DNAH1: variants seen among roughly 807,000 people sequenced by gnomAD.
DNAH1 encodes the protein dynein axonemal heavy chain 1, also known as axonemal beta dynein heavy chain 1.
In DNAH1, 327 loss-of-function variants were observed where a neutral mutation model predicts 484.3. That is an observed-to-expected ratio of 0.68 (90% CI 0.62 to 0.74). The LOEUF is 0.74. Among genes scored for constraint, DNAH1 ranks in the 30% least tolerant of loss-of-function variants. DNAH1 has a pLI of 0.00. For synonymous variants in DNAH1, 2,192 were observed against 2,191.9 expected (o/e 1.00, Z 0.00); for missense variants, 5,052 against 5,546.8 (o/e 0.91, Z 2.83).
At chr3:52,360,173 T>C in intron 27 of DNAH1, 94 bp downstream of exon 27, 2 of 1,570,436 alleles carry the variant, frequency 1.3e-6, no homozygotes, top group Non-Finnish European at 1.7e-6. Flanking sequence ...CTGGTCTCTG[T>C]CCTTGAGGTT....
In DNAH1 at chr3:52,383,544, T is replaced by A. The variant is rs1225260699; in HGVS notation, c.8100T>A (p.Ala2700=). 6.2e-7 allele frequency: 1 copy of A among 1,612,078 alleles called. No individual in the cohort carries two copies. Among genetic ancestry groups the A allele is most frequent in the South Asian group, 1.1e-5 (1 of 90,666 alleles). The change falls in exon 51 of 78, where the codon GCT becomes GCA. Residue 2700 remains alanine (A), a synonymous_variant. Coordinates refer to ENST00000420323, the MANE Select transcript of DNAH1 (RefSeq NM_015512.5). ...GLQPTKANLM[A]AYTGRVRSNI... ...AGCCCACCAAGGCCAACCTCATGGC[T>A]GCTTACACAGGGCGTGTGCGCAGCA...
In DNAH1 at chr3:52,389,540, C is replaced by A. The variant is rs538855437; in HGVS notation, c.9575C>A (p.Thr3192Lys). 2.6e-6 allele frequency: 4 copies of A among 1,554,498 alleles called. No homozygotes were observed. The highest frequency in any genetic ancestry group is 2.5e-5 in the South Asian group (2 of 81,340). ...SHNVPHTSEP[T>K]LIGTLGNPVK... ...AATGTCCCACACACCTCCGAGCCCACGCTAATCGGGACGCTGGGGAACCCT... is the reference window on the plus strand; with the variant it reads ...AATGTCCCACACACCTCCGAGCCCAAGCTAATCGGGACGCTGGGGAACCCT... The change falls in exon 60 of 78, where the codon ACG (threonine) becomes AAG (lysine). Residue 3192 changes from threonine to lysine, a missense_variant. Around this residue, in one of 4 missense-constraint regions of DNAH1, gnomAD observed 2,929 missense variants for 3,409.4 expected, o/e 0.86. Transcript: ENST00000420323.
chr3:52,372,216 C>T lies in DNAH1; in HGVS notation c.6667-11C>T, dbSNP rs375072983. On this transcript the variant is annotated splice_polypyrimidine_tract_variant and intron_variant, in intron 42 of 77. Coordinates refer to ENST00000420323, the MANE Select transcript of DNAH1 (RefSeq NM_015512.5). ...CCACCGCATGCTCCTGTGCCATCCC[C>T]GCTCTGCCAGGTGCTGTGCATTGGG... is the stretch of plus-strand genomic sequence containing the variant. 4.6e-5 allele frequency: 75 copies of T among 1,613,594 alleles called. No individual in the cohort carries two copies. The highest frequency in any genetic ancestry group is 5.3e-5 in the African/African-American group (4 of 75,044).
chr3:52,398,067 G>A lies in DNAH1; in HGVS notation c.11994G>A (p.Lys3998=). The A allele has an allele frequency of 6.2e-7, 1 of 1,613,908 alleles. No homozygotes were observed. The highest frequency in any genetic ancestry group is 8.5e-7 in the Non-Finnish European group (1 of 1,179,874). Residue 3998 remains lysine, a synonymous_variant, in exon 75 of 78, where the codon AAG becomes AAA. Transcript: ENST00000420323. ...ACGTCACCCAAAACATTCTGCTCAA[G>A]GTGCCTGAGCCTATCAACTTGCAAT... The part of the protein sequence containing the change: ...VEDVTQNILL[K]VPEPINLQWV...
In DNAH1 at chr3:52,331,262, G is replaced by T. The variant is rs199763713; in HGVS notation, c.986G>T (p.Arg329Leu). 7.4e-5 allele frequency: 119 copies of T among 1,611,028 alleles called. No homozygotes were observed. The East Asian group carries it at 2.6e-3, about 35-fold the overall frequency. ...AAGACAGACGAGAAAGGCCTGGTGC[G>T]AGATGAGATGGGGAGGCCCATCCTG... Reference protein sequence around the residue: ...VHKTDEKGLVRDEMGRPILNA... With the variant: ...VHKTDEKGLVLDEMGRPILNA... Residue 329 changes from arginine (R) to leucine (L), a missense_variant, in exon 7 of 78, where the codon CGA (arginine) becomes CTA (leucine). Physicochemically the swap from Arg to Leu is moderately radical, Grantham distance 102 (BLOSUM62 -2). Coordinates refer to ENST00000420323, the MANE Select transcript of DNAH1 (RefSeq NM_015512.5).
At chr3:52,392,153 C>A (rs989751258) in intron 63 of DNAH1, among the ~76,000 whole-genome samples, 1 of 152,244 alleles carries the variant, frequency 6.6e-6, no homozygotes, top group African/African-American at 2.4e-5. Flanking sequence ...AAGGCCTGCC[C>A]TGGGTATCAC....
rs192952178 is a variant in DNAH1, at chr3:52,388,212, G to A, written c.9049G>A (p.Asp3017Asn). 8 of 1,609,386 alleles carry A rather than the reference G, an allele frequency of 5.0e-6. No homozygotes were observed. Among genetic ancestry groups the A allele is most frequent in the Admixed American group, 1.7e-5 (1 of 59,402 alleles). Residue 3017 changes from aspartate to asparagine, a missense_variant, in exon 57 of 78, where the codon GAT becomes AAT. Transcript: ENST00000420323. ...GATCAAAGCCATCCAGCCGTACATC[G>A]ATAATGAAGAGTTCCAGCCAGCCAC... Reference protein sequence around the residue: ...VVIKAIQPYIDNEEFQPATIA... With the variant: ...VVIKAIQPYINNEEFQPATIA...
chr3:52,372,330 C>A lies in DNAH1; in HGVS notation c.6770C>A (p.Ser2257Ter), dbSNP rs781288961. The stretch of plus-strand genomic sequence containing the variant: ...TACATCAGCCACTTCCTCACCTTCT[C>A]AGCCCGCACTTCAGCCAACCAGACC... ...LDYISHFLTF[S>*]ARTSANQTQD... Residue 2257 changes from serine (S) to a stop codon, truncating the protein, a stop_gained, in exon 43 of 78, where the codon TCA becomes TAA. Transcript: ENST00000420323. LOFTEE classifies it high-confidence loss of function. The A allele has an allele frequency of 1.9e-6, 3 of 1,614,026 alleles. No individual in the cohort carries two copies. In the Admixed American group the frequency reaches 5.0e-5, roughly 27 times the overall value.
intron 10 of DNAH1, among the ~76,000 whole-genome samples, chr3:52,346,048 G>A (rs1488955263): frequency 1.3e-5 from 2 of 152,166 alleles, no homozygotes; most frequent in Non-Finnish European, 2.9e-5. Context: ...TGTGGATTGG[G>A]GTATGAGGGA....
rs750536856 is a variant in DNAH1, at chr3:52,397,869, C to T, written c.11950C>T (p.Arg3984Trp). 14 of 1,602,140 alleles carry T rather than the reference C, an allele frequency of 8.7e-6. No individual in the cohort carries two copies. The highest frequency in any genetic ancestry group is 1.2e-5 in the Non-Finnish European group (14 of 1,173,506). The change falls in exon 74 of 78, where the codon CGG (arginine) becomes TGG (tryptophan). Residue 3984 changes from arginine (R) to tryptophan (W), a missense_variant. By Grantham distance (101) the Arg-to-Trp change is moderately radical (BLOSUM62 -3). Transcript: ENST00000420323. The stretch of plus-strand genomic sequence containing the variant: ...ATCATCTTCTGCAGGCAGCCAGGGC[C>T]GGGAGGAGGTGGGTGGTGTCAGAGT... ...PKSSSAGSQGREEIVEDVTQN... is the reference protein window; with the variant it reads ...PKSSSAGSQGWEEIVEDVTQN...
Position 52,358,494 on chromosome 3 carries a change from T to C in DNAH1, c.4087-64T>C. ...CACCGGGCAGGCTTAGCGCTGGGGC[T>C]GTGGTGGCCAGGGCATCTGGGCACA... On this transcript the variant is annotated intron_variant, in intron 24 of 77. Transcript: ENST00000420323. This position sits in a 1 kb window ranked among gnomAD's most constrained non-coding sequence, Gnocchi z 4.2. 6.6e-7 allele frequency: 1 copy of C among 1,510,760 alleles called. No homozygotes were observed. The allele number at this position is 1,510,760 out of a possible 1,614,324, so 93.6% of individuals were successfully genotyped here. A position where few individuals can be genotyped will look rare whatever the true frequency, so the allele number is the denominator to read the frequency against.
chr3:52,339,448 A>G (rs1056933612), intron 8 of DNAH1, among the ~76,000 whole-genome samples: 1 of 151,598 alleles, frequency 6.6e-6, no homozygotes, highest in African/African-American at 2.4e-5. Context: ...TTGTCCATTT[A>G]TATGTTTTAT....
rs1333952421 is a variant in DNAH1, at chr3:52,362,534, C to T, written c.5094+33C>T. On this transcript the variant is annotated intron_variant, in intron 31 of 77. Coordinates refer to ENST00000420323, the MANE Select transcript of DNAH1 (RefSeq NM_015512.5). The surrounding 1 kb of genome is among the most constrained non-coding windows in gnomAD (Gnocchi z 5.1). ...CAGGCCCAGAGTGGCCCAGGAAGCACCAGAGCTCTAGCCTGAGTTCAGAGA... is the reference window on the plus strand; with the variant it reads ...CAGGCCCAGAGTGGCCCAGGAAGCATCAGAGCTCTAGCCTGAGTTCAGAGA... The T allele has an allele frequency of 6.3e-7, 1 of 1,582,354 alleles. No individual in the cohort carries two copies. Among genetic ancestry groups the T allele is most frequent in the East Asian group, 2.3e-5 (1 of 44,270 alleles).
chr3:52,332,707 G>A (rs1161806879), intron 8 of DNAH1, among the ~76,000 whole-genome samples: 1 of 152,070 alleles, frequency 6.6e-6, no homozygotes, highest in South Asian at 2.1e-4. Context: ...TTCCTGTGTC[G>A]CCTTACCATG....
chr3:52,395,368 C>G lies in DNAH1; in HGVS notation c.11029C>G (p.Leu3677Val). Residue 3677 changes from leucine to valine, a missense_variant, in exon 69 of 78, where the codon CTG (leucine) becomes GTG (valine). Leu to Val is a conservative substitution (Grantham distance 32). Around this residue, in one of 4 missense-constraint regions of DNAH1, gnomAD observed 853 missense variants for 899.0 expected, o/e 0.95. Coordinates refer to ENST00000420323, the MANE Select transcript of DNAH1 (RefSeq NM_015512.5). The surrounding 1 kb of genome is among the most constrained non-coding windows in gnomAD (Gnocchi z 4.4). Reference sequence around the variant, plus strand: ...CTCCACCACACCCCTCATCTTTGTGCTGTCACCCGGCACAGACCCTGCTGC... The same window carrying G: ...CTCCACCACACCCCTCATCTTTGTGGTGTCACCCGGCACAGACCCTGCTGC... ...SNSTTPLIFV[L>V]SPGTDPAADL... 1 of 1,613,870 alleles carries G rather than the reference C, an allele frequency of 6.2e-7. No homozygotes were observed. Among genetic ancestry groups the G allele is most frequent in the Non-Finnish European group, 8.5e-7 (1 of 1,179,872 alleles).
chr3:52,364,097 A>G lies in DNAH1; in HGVS notation c.5245-541A>G, dbSNP rs989402687. ...AGATTTCTGGAACATATGCTAGTCT[A>G]TGGGTTGGGTCTAGATGGAGTCCTC... On this transcript the variant is annotated intron_variant, in intron 32 of 77. Coordinates refer to ENST00000420323, the MANE Select transcript of DNAH1 (RefSeq NM_015512.5). This position sits in a 1 kb window ranked among gnomAD's most constrained non-coding sequence, Gnocchi z 4.2. 6.6e-6 allele frequency among the ~76,000 whole-genome samples: 1 copy of G among 152,200 alleles called. No individual in the cohort carries two copies. Among genetic ancestry groups the G allele is most frequent in the African/African-American group, 2.4e-5 (1 of 41,454 alleles).
chr3:52,374,725 T>G, intron 44 of DNAH1: 2 of 1,301,626 alleles, frequency 1.5e-6, no homozygotes, highest in Middle Eastern at 4.3e-4. Context: ...ATACATGGCT[T>G]GATATACAAC....
chr3:52,341,936 T>C (rs1701955582), intron 8 of DNAH1, among the ~76,000 whole-genome samples: 1 of 152,186 alleles, frequency 6.6e-6, no homozygotes, highest in South Asian at 2.1e-4. Flanking sequence ...CTGGGGACTC[T>C]CAGCCTGGCC....
Position 52,389,474 on chromosome 3 carries a change from C to G in DNAH1, c.9509C>G (p.Thr3170Arg). The G allele has an allele frequency of 3.1e-6, 5 of 1,609,900 alleles. No individual in the cohort carries two copies. Among genetic ancestry groups the G allele is most frequent in the Non-Finnish European group, 4.2e-6 (5 of 1,178,392 alleles). Residue 3170 changes from threonine to arginine, a missense_variant, in exon 60 of 78, where the codon ACG becomes AGG. Transcript: ENST00000420323. ...GCATCTCCCCAGGGCCAGTACCGCA[C>G]GGTGCTCTACGACAGCTGGGTCAAG... ...YLGPFTGQYR[T>R]VLYDSWVKQL...
Sources: allele counts gnomAD v4.1 joint callset (sites outside exome capture counted in the v4.1 genomes callset), GRCh38; gene constraint gnomAD v4.1.1; regional missense constraint gnomAD v4.1.1; non-coding constraint Gnocchi (gnomAD v3.1); transcripts MANE v1.5; gene names NCBI Gene and HGNC (gene_info 2026-07-23, HGNC 2026-07-21).